Variants in MUCL3 observed in about 807,000 individuals in gnomAD.
MUCL3 encodes mucin-like protein 3.
MUCL3 carries 42 observed loss-of-function variants against 70.2 expected under a neutral mutation model. The ratio of observed to expected loss-of-function variants is 0.60; its 90% confidence interval spans 0.47 to 0.77. The LOEUF is 0.77. Among genes scored for constraint, MUCL3 ranks in the 30% least tolerant of loss-of-function variants. MUCL3 has a pLI of 0.00. For synonymous variants in MUCL3, 522 were observed against 647.0 expected, an observed-to-expected ratio of 0.81 and a Z score of 2.93; for missense variants, 1,429 against 1,670.0, an observed-to-expected ratio of 0.86 and a Z score of 2.52.
rs950430350 is a variant in MUCL3 at position 30,950,848 on chromosome 6, C to T, written c.2384C>T (p.Thr795Ile). The T allele has an allele frequency of 7.7e-6, 12 of 1,550,804 alleles. No individual in the cohort carries two copies. The highest frequency in any genetic ancestry group is 8.7e-6 in the Non-Finnish European group (10 of 1,146,914). The change falls in exon 2 of 3, where the codon ACA (threonine) becomes ATA (isoleucine). Residue 795 changes from threonine to isoleucine, a missense_variant. Thr to Ile is a moderately conservative substitution (Grantham distance 89). Coordinates refer to ENST00000462446, the MANE Select transcript of MUCL3 (RefSeq NM_080870.4). ...KRTPFANEKT[T>I]SSSAEPTEHA... is the part of the protein sequence containing the mutation. The stretch of plus-strand genomic sequence containing the variant: ...ACCCCATTTGCCAATGAGAAGACCA[C>T]ATCATCCTCAGCAGAGCCTACAGAA...
chr6:30,941,116 C>T (rs925181495), intron 1 of MUCL3, 35 bp downstream of exon 1: 9 of 1,544,932 alleles, frequency 5.8e-6, no homozygotes, highest in Admixed American at 3.9e-5. Context: ...AAGACAGAAA[C>T]AGCTTGTTTC....
At chr6:30,946,309 A>T (rs915695286) in intron 1 of MUCL3, 18 of 152,230 alleles carry the variant, frequency 1.2e-4, no homozygotes, top group Admixed American at 7.2e-4. Context: ...TGCAGTCAGC[A>T]TCATGGTTAT....
At position 30,952,970 on chromosome 6, in the gene MUCL3, G is replaced by A. The variant is rs1472284107; in HGVS notation, c.4036-1G>A. The A allele has an allele frequency of 6.2e-7, 1 of 1,613,654 alleles. No homozygotes were observed. Among genetic ancestry groups the A allele is most frequent in the African/African-American group, 1.3e-5 (1 of 74,942 alleles). On this transcript the variant is annotated splice_acceptor_variant, in intron 2 of 2. Coordinates refer to ENST00000462446, the MANE Select transcript of MUCL3 (RefSeq NM_080870.4). LOFTEE classifies it high-confidence loss of function. ...TTCCTCCTTTCTCATCCCAATCACA[G>A]GTCTCCTATATGATGCGGACACGCC...
chr6:30,952,496 C>T lies in MUCL3; in HGVS notation c.4032C>T (p.Phe1344=). The part of the protein sequence containing the change: ...ILLLVFLGLI[F]LVSYMMRTRR... ...TCCTGGTGTTCCTTGGCCTGATCTT[C>T]TTGGTAAGGGACAGATGTGCCCCAC... The change falls in exon 2 of 3, where the codon TTC becomes TTT. Residue 1344 remains phenylalanine (F), a synonymous_variant. Transcript: ENST00000462446. The T allele has an allele frequency of 6.3e-7, 1 of 1,595,112 alleles. No homozygotes were observed. The highest frequency in any genetic ancestry group is 8.5e-7 in the Non-Finnish European group (1 of 1,171,700).
chr6:30,949,260 A>G lies in MUCL3; in HGVS notation c.796A>G (p.Thr266Ala). The change falls in exon 2 of 3, where the codon ACA becomes GCA. Residue 266 changes from threonine to alanine, a missense_variant. Physicochemically the swap from Thr to Ala is moderately conservative, Grantham distance 58. Coordinates refer to ENST00000462446, the MANE Select transcript of MUCL3 (RefSeq NM_080870.4). Reference protein sequence around the residue: ...VASDKLLTKTTKNIQETISAN... With the variant: ...VASDKLLTKTAKNIQETISAN... ...CTCAGACAAGCTCCTGACAAAAACT[A>G]CAAAAAACATACAAGAGACCATATC... 1.3e-6 allele frequency: 2 copies of G among 1,549,876 alleles called. No individual in the cohort carries two copies. Among genetic ancestry groups the G allele is most frequent in the Middle Eastern group, 1.7e-4 (1 of 5,984 alleles).
chr6:30,950,889 C>T lies in MUCL3; in HGVS notation c.2425C>T (p.Pro809Ser). 1 of 1,546,368 alleles carries T rather than the reference C, an allele frequency of 6.5e-7. No homozygotes were observed. The highest frequency in any genetic ancestry group is 8.7e-7 in the Non-Finnish European group (1 of 1,146,210). The change falls in exon 2 of 3, where the codon CCA (proline) becomes TCA (serine). Residue 809 changes from proline to serine, a missense_variant. Pro to Ser is a moderately conservative substitution (Grantham distance 74). Coordinates refer to ENST00000462446, the MANE Select transcript of MUCL3 (RefSeq NM_080870.4). ...AEPTEHAERT[P>S]LANENTTSSP... ...GCCTACAGAACACGCAGAAAGGACT[C>T]CACTGGCCAATGAGAACACCACATC...
In MUCL3 at chr6:30,944,454, A is replaced by C. The variant is rs186038535; in HGVS notation, c.82+3373A>C. Among the ~76,000 whole-genome samples the C allele has an allele frequency of 2.3e-3, 351 of 152,052 alleles. 1 individual carries two copies. Among genetic ancestry groups the C allele is most frequent in the Admixed American group, 3.5e-3 (54 of 15,266 alleles). On this transcript the variant is annotated intron_variant, in intron 1 of 2. Transcript: ENST00000462446. ...CTGCCAACACGCCTGGCTAATTTTC[A>C]TATTTTTAGTAGAGACGGGGTTTCG... is the stretch of plus-strand genomic sequence containing the variant.
At position 30,948,517 on chromosome 6, in the gene MUCL3, A is replaced by T. The variant is rs1331028768; in HGVS notation, c.83-30A>T. On this transcript the variant is annotated intron_variant, in intron 1 of 2. Transcript: ENST00000462446. Reference sequence around the variant, plus strand: ...GGGAGTTGGAGAAGAACATGGGGGAAGTTTCTTATTTGCCTCTCTCCCTCC... The same window carrying T: ...GGGAGTTGGAGAAGAACATGGGGGATGTTTCTTATTTGCCTCTCTCCCTCC... 4 of 1,463,154 alleles carry T rather than the reference A, an allele frequency of 2.7e-6. No individual in the cohort carries two copies. In the East Asian group the frequency reaches 9.9e-5, roughly 36 times the overall value. The allele number at this position is 1,463,154 out of a possible 1,614,324, so 90.6% of individuals were successfully genotyped here.
In MUCL3 at chr6:30,949,505, A is replaced by G. The variant is rs1760496590; in HGVS notation, c.1041A>G (p.Glu347=). Residue 347 remains glutamate (E), a synonymous_variant, in exon 2 of 3, where the codon GAA becomes GAG. Coordinates refer to ENST00000462446, the MANE Select transcript of MUCL3 (RefSeq NM_080870.4). ...PFPAGPTENR[E]MTANENTTLF... ...CAGCAGGGCCTACAGAAAATAGAGA[A>G]ATGACAGCCAATGAGAATACCACAC... 6.5e-7 allele frequency: 1 copy of G among 1,549,996 alleles called. No individual in the cohort carries two copies. The highest frequency in any genetic ancestry group is 8.7e-7 in the Non-Finnish European group (1 of 1,146,568).
rs1237464458 is a variant in MUCL3, at chr6:30,951,964, C to T, written c.3500C>T (p.Thr1167Ile). 1.2e-6 allele frequency: 2 copies of T among 1,612,412 alleles called. No homozygotes were observed. The highest frequency in any genetic ancestry group is 1.1e-5 in the South Asian group (1 of 91,012). The change falls in exon 2 of 3, where the codon ACA (threonine) becomes ATA (isoleucine). Residue 1167 changes from threonine (T) to isoleucine (I), a missense_variant. Coordinates refer to ENST00000462446, the MANE Select transcript of MUCL3 (RefSeq NM_080870.4). ...EKMTQVTEKSTEHPEKTTSTT... is the reference protein window; with the variant it reads ...EKMTQVTEKSIEHPEKTTSTT... ...ATGACACAAGTCACAGAAAAGTCCACAGAACACCCAGAAAAGACCACGTCA... is the reference window on the plus strand; with the variant it reads ...ATGACACAAGTCACAGAAAAGTCCATAGAACACCCAGAAAAGACCACGTCA...
In MUCL3 at chr6:30,952,230, A is replaced by C. The variant is rs769489613; in HGVS notation, c.3766A>C (p.Thr1256Pro). 3 of 1,614,048 alleles carry C rather than the reference A, an allele frequency of 1.9e-6. No individual in the cohort carries two copies. Among genetic ancestry groups the C allele is most frequent in the African/African-American group, 1.3e-5 (1 of 74,922 alleles). Residue 1256 changes from threonine to proline, a missense_variant, in exon 2 of 3, where the codon ACT (threonine) becomes CCT (proline). Thr to Pro is a conservative substitution (Grantham distance 38). Coordinates refer to ENST00000462446, the MANE Select transcript of MUCL3 (RefSeq NM_080870.4). Reference sequence around the variant, plus strand: ...GGTCACAGGAGACAAATCTCTCACTACTACCTCTTCTCATCTAAATAAAAC... The same window carrying C: ...GGTCACAGGAGACAAATCTCTCACTCCTACCTCTTCTCATCTAAATAAAAC... ...VKVTGDKSLT[T>P]TSSHLNKTEV...
chr6:30,946,359 C>T (rs1228010604), intron 1 of MUCL3: 1 of 152,184 alleles, frequency 6.6e-6, no homozygotes, highest in Non-Finnish European at 1.5e-5. Context: ...ACTTAAGAGA[C>T]CTGAGCAAGA....
intron 1 of MUCL3, among the ~76,000 whole-genome samples, chr6:30,947,048 A>G (rs1300843043): frequency 1.3e-5 from 2 of 152,146 alleles, no homozygotes; most frequent in African/African-American, 4.8e-5. Context: ...TCTCAGATGT[A>G]AAATAGGGGA....
Position 30,952,006 on chromosome 6 carries a change from CA to C in MUCL3, c.3544del (p.Arg1182GlufsTer36). On this transcript the variant is annotated frameshift_variant, in exon 2 of 3. Coordinates refer to ENST00000462446, the MANE Select transcript of MUCL3 (RefSeq NM_080870.4). LOFTEE classifies it high-confidence loss of function. The part of the protein sequence containing the change: ...EKTTSTTEKT[T>X]RTPEKPTLYS... ...ACCACGTCAACCACAGAGAAAACCACAAGAACCCCAGAAAAGCCTACGCTAT... is the reference window on the plus strand; with the variant it reads ...ACCACGTCAACCACAGAGAAAACCACAGAACCCCAGAAAAGCCTACGCTAT... The C allele has an allele frequency of 6.2e-7, 1 of 1,612,618 alleles. No homozygotes were observed. The highest frequency in any genetic ancestry group is 8.5e-7 in the Non-Finnish European group (1 of 1,179,858).
chr6:30,942,915 G>C (rs1795638203), intron 1 of MUCL3, among the ~76,000 whole-genome samples: 1 of 152,180 alleles, frequency 6.6e-6, no homozygotes, highest in Admixed American at 6.5e-5. Flanking sequence ...CATGGAGGGA[G>C]GGGTGGGGAG....
rs528579255 is a variant in MUCL3 at position 30,940,993 on chromosome 6, C to G, written c.-7C>G. On this transcript the variant is annotated 5_prime_UTR_variant, in exon 1 of 3. Transcript: ENST00000462446. The surrounding 1 kb of genome is among the most constrained non-coding windows in gnomAD (Gnocchi z 4.4). ...CCATGGTCCCCAAGCAGCCACCCAG[C>G]TCCGACATGGCCCAGCCGGTCCACA... 55 of 1,548,816 alleles carry G rather than the reference C, an allele frequency of 3.6e-5. 1 individual carries two copies. The East Asian group carries it at 1.2e-3, about 35-fold the overall frequency.
intron 1 of MUCL3, 97 bp from the exon 2 acceptor site, chr6:30,948,450 C>A: frequency 1.0e-6 from 1 of 959,518 alleles, no homozygotes; most frequent in Non-Finnish European, 1.5e-6. Flanking sequence ...GGAGTCATAT[C>A]AGGGGGAACA....
In MUCL3 at chr6:30,953,167, T is replaced by C. The variant is rs760727362; in HGVS notation, c.*50T>C. On this transcript the variant is annotated 3_prime_UTR_variant, in exon 3 of 3. Transcript: ENST00000462446. ...GCTCTTCCATGCTCTGCCCCTTTCC[T>C]GGATGAGGAACCGGACTCACAATTT... 6.9e-6 allele frequency: 11 copies of C among 1,596,240 alleles called. No homozygotes were observed. In the South Asian group the frequency reaches 1.2e-4, roughly 18 times the overall value.
At chr6:30,948,089 G>C (rs1415033346) in intron 1 of MUCL3, among the ~76,000 whole-genome samples, 1 of 152,174 alleles carries the variant, frequency 6.6e-6, no homozygotes, top group African/African-American at 2.4e-5. Flanking sequence ...AGACCCTAAA[G>C]GGGCACCTGC....
Sources: gnomAD v4.1 joint callset for allele counts (sites outside exome capture counted in the v4.1 genomes callset) on GRCh38, gnomAD v4.1.1 for gene constraint, Gnocchi (gnomAD v3.1) non-coding constraint, MANE v1.5 for transcripts, NCBI Gene and HGNC (gene_info 2026-07-23, HGNC 2026-07-21) for gene names.